Variants in CCDC68 observed in about 807,000 individuals in gnomAD.
CCDC68 encodes the protein coiled-coil domain-containing protein 68.
CCDC68 carries 45 observed loss-of-function variants against 47.1 expected under a neutral mutation model. The observed-to-expected ratio is 0.96, with a 90% CI of 0.75 to 1.23. CCDC68 has a LOEUF of 1.23. Ranked by LOEUF, CCDC68 falls within the 50% of genes most tolerant of loss-of-function variation. CCDC68 has a pLI of 0.00. For missense variants in CCDC68, 353 were observed against 373.6 expected, an observed-to-expected ratio of 0.94 and a Z score of 0.45; for synonymous variants, 131 against 129.5, an observed-to-expected ratio of 1.01 and a Z score of -0.08.
intron 8 of CCDC68, among the ~76,000 whole-genome samples, chr18:54,920,691 AT>A (rs1458971450): frequency 2.0e-5 from 3 of 152,250 alleles, no homozygotes; most frequent in African/African-American, 7.2e-5. Flanking sequence ...AAGTAAAAAA[AT>A]AACAGATGTT....
intron 1 of CCDC68, among the ~76,000 whole-genome samples, chr18:54,958,895 T>C (rs1241441434): frequency 3.3e-5 from 5 of 152,224 alleles, no homozygotes; most frequent in Non-Finnish European, 1.5e-5. Flanking sequence ...CATTCATCTC[T>C]GCTCTTTAAA....
chr18:54,913,118 C>A (rs1914464408), intron 10 of CCDC68, among the ~76,000 whole-genome samples: 1 of 152,200 alleles, frequency 6.6e-6, no homozygotes, highest in African/African-American at 2.4e-5. Flanking sequence ...GGTTCTGCCA[C>A]CTGCTTGCTG....
At chr18:54,912,838 G>C (rs995819002) in intron 10 of CCDC68, among the ~76,000 whole-genome samples, 6 of 152,154 alleles carry the variant, frequency 3.9e-5, no homozygotes, top group African/African-American at 7.2e-5. Context: ...AGGCAATAAA[G>C]AATGAGAACC....
At chr18:54,914,309 T>C (rs1466133748) in intron 10 of CCDC68, among the ~76,000 whole-genome samples, 1 of 152,164 alleles carries the variant, frequency 6.6e-6, no homozygotes, top group Non-Finnish European at 1.5e-5. Context: ...CCTTTTTTTA[T>C]ACAAGTGTTA....
intron 11 of CCDC68, among the ~76,000 whole-genome samples, chr18:54,906,778 A>C (rs1273070857): frequency 6.6e-6 from 1 of 152,130 alleles, no homozygotes; most frequent in African/African-American, 2.4e-5. Context: ...TTTATTTTCT[A>C]GAAGTTGCAG....
intron 10 of CCDC68, among the ~76,000 whole-genome samples, chr18:54,912,828 A>G (rs1185285620): frequency 6.6e-6 from 1 of 152,206 alleles, no homozygotes; most frequent in Non-Finnish European, 1.5e-5. Flanking sequence ...ACATGGAGGC[A>G]GGCAATAAAG....
In CCDC68 at chr18:54,932,188, G is replaced by GTT. The variant is rs554711166; in HGVS notation, c.600+2630_600+2631dup. On this transcript the variant is annotated intron_variant, in intron 7 of 11. Transcript: ENST00000591504. ...TATAAAATATTTTTAAACCAATTTG[G>GTT]TTTTTTTTTTTTTTGAGACAGAGTC... Among the ~76,000 whole-genome samples, 558 of 141,876 alleles carry GTT rather than the reference G, an allele frequency of 3.9e-3. 2 individuals are homozygous for GTT. The highest frequency in any genetic ancestry group is 6.1e-3 in the Non-Finnish European group (397 of 65,360). 93.1% of individuals were successfully genotyped at this position (141,876 alleles called of 152,430 possible).
chr18:54,918,481 A>C (rs1022666412), intron 9 of CCDC68, among the ~76,000 whole-genome samples: 3 of 152,216 alleles, frequency 2.0e-5, no homozygotes, highest in Non-Finnish European at 2.9e-5. Context: ...CAGTGTAAGA[A>C]GAGAGGGGAC....
intron 10 of CCDC68, among the ~76,000 whole-genome samples, chr18:54,915,768 A>C (rs2043937242): frequency 6.6e-6 from 1 of 152,044 alleles, no homozygotes; most frequent in Admixed American, 6.6e-5. Flanking sequence ...GTCTCTACTA[A>C]AAATACTAAA....
At chr18:54,916,027 A>G (rs2043945119) in intron 10 of CCDC68, among the ~76,000 whole-genome samples, 1 of 152,202 alleles carries the variant, frequency 6.6e-6, no homozygotes, top group Non-Finnish European at 1.5e-5. Context: ...AGCCACTAAG[A>G]AAGGCTGTGA....
intron 10 of CCDC68, among the ~76,000 whole-genome samples, chr18:54,910,879 C>G (rs1026325019): frequency 6.6e-6 from 1 of 152,216 alleles, no homozygotes. Flanking sequence ...AGGGAGAAGC[C>G]AGGCAGTGGG....
intron 10 of CCDC68, among the ~76,000 whole-genome samples, chr18:54,914,676 A>G (rs962970899): frequency 6.6e-6 from 1 of 152,190 alleles, no homozygotes; most frequent in African/African-American, 2.4e-5. Flanking sequence ...AGCTACGTAC[A>G]GAGACTCTAA....
At chr18:54,945,574 A>T (rs1335809989) in intron 1 of CCDC68, 97 bp from the exon 2 acceptor site, 1 of 152,220 alleles carries the variant, frequency 6.6e-6, no homozygotes, top group Non-Finnish European at 1.5e-5. Flanking sequence ...ATTTGAGGGC[A>T]TCACTTTGAA....
At chr18:54,956,110 C>G (rs1234965210) in intron 1 of CCDC68, among the ~76,000 whole-genome samples, 1 of 152,108 alleles carries the variant, frequency 6.6e-6, no homozygotes, top group Admixed American at 6.5e-5. Flanking sequence ...CTGCCTCAGC[C>G]TCCCGAGTAG....
At chr18:54,904,543 G>C in intron 11 of CCDC68, 128 bp from the exon 12 acceptor site, 1 of 721,478 alleles carries the variant, frequency 1.4e-6, no homozygotes, top group Non-Finnish European at 2.4e-6. Flanking sequence ...TGTTCTAAGA[G>C]ATGTGTTAAT....
intron 5 of CCDC68, 80 bp downstream of exon 5, chr18:54,937,877 A>T: frequency 7.7e-7 from 1 of 1,292,028 alleles, no homozygotes; most frequent in Non-Finnish European, 1.1e-6. Context: ...CTCTGCTTTT[A>T]CAGAGCCACA....
At chr18:54,943,062 T>C (rs2044464812) in intron 2 of CCDC68, 1 of 282,506 alleles carries the variant, frequency 3.5e-6, no homozygotes, top group South Asian at 4.3e-5. Flanking sequence ...TTTTATTCAG[T>C]ATCATCTCAG....
chr18:54,914,673 T>A (rs574797402), intron 10 of CCDC68, among the ~76,000 whole-genome samples: 50 of 152,222 alleles, frequency 3.3e-4, no homozygotes, highest in Non-Finnish European at 1.5e-5. Context: ...TTGAGCTACG[T>A]ACAGAGACTC....
In CCDC68 at chr18:54,919,465, C is replaced by T. The variant is rs1402060737; in HGVS notation, c.684-89G>A. 3.9e-6 allele frequency: 4 copies of T among 1,019,906 alleles called. No individual in the cohort carries two copies. The Admixed American group carries it at 7.3e-5, about 19-fold the overall frequency. The allele number at this position is 1,019,906 out of a possible 1,614,324, so 63.2% of individuals were successfully genotyped here. ...CTTACTGCTAGCCCTCCTACACACT[C>T]TACTGCTACTGGGGATCAGTTGGGT... On this transcript the variant is annotated intron_variant, in intron 8 of 11. Coordinates refer to ENST00000591504, the MANE Select transcript of CCDC68 (RefSeq NM_025214.3).
Sources: gnomAD v4.1 joint callset for allele counts (sites outside exome capture counted in the v4.1 genomes callset) on GRCh38, gnomAD v4.1.1 for gene constraint, MANE v1.5 for transcripts, NCBI Gene and HGNC (gene_info 2026-07-23, HGNC 2026-07-21) for gene names.